MEI1: variants seen among roughly 807,000 people sequenced by gnomAD.
The protein encoded by MEI1 is meiosis inhibitor protein 1.
MEI1 carries 103 observed loss-of-function variants against 146.2 expected under a neutral mutation model. The ratio of observed to expected loss-of-function variants is 0.70; its 90% CI spans 0.60 to 0.83. The LOEUF (loss-of-function observed/expected upper bound fraction) is 0.83. Ranked by LOEUF, MEI1 falls within the 40% of genes least tolerant of loss-of-function variation. The pLI is 0.00. For missense variants in MEI1, 1,529 were observed against 1,533.0 expected, an observed-to-expected ratio of 1.00 and a Z score of 0.04; for synonymous variants, 652 against 628.2, an observed-to-expected ratio of 1.04 and a Z score of -0.57.
chr22:41,776,196 G>A lies in MEI1; in HGVS notation c.2639G>A (p.Gly880Asp), dbSNP rs749854856. 6.2e-7 allele frequency: 1 copy of A among 1,613,976 alleles called. No individual in the cohort carries two copies. The highest frequency in any genetic ancestry group is 8.5e-7 in the Non-Finnish European group (1 of 1,179,892). Residue 880 changes from glycine to aspartate, a missense_variant, in exon 21 of 31, where the codon GGT becomes GAT. This residue lies in a region of MEI1 where 1,212 missense variants were observed against 1,178.9 expected (regional missense o/e 1.03). Coordinates refer to ENST00000401548, the MANE Select transcript of MEI1 (RefSeq NM_152513.4). ...LRRNEDIQVG[G>D]LIRGHFLLIL... ...AGGAATGAGGATATCCAAGTGGGCGGTCTTATCCGAGGCCACTTCCTGCTG... is the reference window on the plus strand; with the variant it reads ...AGGAATGAGGATATCCAAGTGGGCGATCTTATCCGAGGCCACTTCCTGCTG...
At chr22:41,777,316 T>C (rs529564645) in intron 21 of MEI1, among the ~76,000 whole-genome samples, 1 of 151,802 alleles carries the variant, frequency 6.6e-6, no homozygotes, top group African/African-American at 2.4e-5. Context: ...CCACTGCACC[T>C]GGCTAATTTT....
At position 41,748,161 on chromosome 22, in the gene MEI1, C is replaced by T; in HGVS notation, c.1735C>T (p.Leu579=). ...PALMEVFLSI[L]HNLFVIVPHM... Reference sequence around the variant, plus strand: ...TTTGATGGAAGTTTTCCTCTCAATTCTACATAACCTCTTTGTCATCGTTCC... The same window carrying T: ...TTTGATGGAAGTTTTCCTCTCAATTTTACATAACCTCTTTGTCATCGTTCC... Residue 579 remains leucine, a synonymous_variant, in exon 15 of 31, where the codon CTA becomes TTA. Coordinates refer to ENST00000401548, the MANE Select transcript of MEI1 (RefSeq NM_152513.4). 6.2e-7 allele frequency: 1 copy of T among 1,613,962 alleles called. No homozygotes were observed. Among genetic ancestry groups the T allele is most frequent in the Non-Finnish European group, 8.5e-7 (1 of 1,179,886 alleles).
chr22:41,709,095 G>C (rs973502607), intron 3 of MEI1: 1 of 587,702 alleles, frequency 1.7e-6, no homozygotes. Flanking sequence ...ATATAACAGT[G>C]AAGTGTTCTG....
Position 41,732,364 on chromosome 22 carries a change from A to G in MEI1, c.1196+20A>G, listed in dbSNP as rs887456300. The G allele has an allele frequency of 3.1e-6, 5 of 1,613,494 alleles. No individual in the cohort carries two copies. The highest frequency in any genetic ancestry group is 1.7e-4 in the Middle Eastern group (1 of 6,056). ...GACCCGGTGAGCAAAGTGGTGGAACATGAGGCTTGTAGGGGCCAGACTGCA... is the reference window on the plus strand; with the variant it reads ...GACCCGGTGAGCAAAGTGGTGGAACGTGAGGCTTGTAGGGGCCAGACTGCA... On this transcript the variant is annotated intron_variant, in intron 10 of 30. Transcript: ENST00000401548.
At chr22:41,720,049 A>G (rs2070617326) in intron 6 of MEI1, among the ~76,000 whole-genome samples, 1 of 152,202 alleles carries the variant, frequency 6.6e-6, no homozygotes, top group African/African-American at 2.4e-5. Flanking sequence ...GCTTTATCTT[A>G]GGGGAGCTCA....
intron 17 of MEI1, among the ~76,000 whole-genome samples, chr22:41,756,904 A>T (rs2147904625): frequency 6.6e-6 from 1 of 152,368 alleles, no homozygotes; most frequent in East Asian, 1.9e-4. Context: ...GGTCTTTCAC[A>T]GTCCAACTGC....
chr22:41,734,817 A>G (rs914621930), intron 11 of MEI1, among the ~76,000 whole-genome samples: 2 of 149,812 alleles, frequency 1.3e-5, no homozygotes, highest in Admixed American at 6.7e-5. Context: ...TTGTATTTTT[A>G]GTAGAGATGG....
chr22:41,783,473 G>T (rs1171147932), intron 24 of MEI1, among the ~76,000 whole-genome samples: 2 of 152,084 alleles, frequency 1.3e-5, no homozygotes. Flanking sequence ...TGTATTTTTA[G>T]TAGAGACGGG....
intron 19 of MEI1, chr22:41,767,716 GC>G: frequency 2.4e-6 from 1 of 417,986 alleles, no homozygotes; most frequent in East Asian, 7.3e-5. Context: ...ACCATGTGGG[GC>G]CCTGTCAGGT....
chr22:41,754,321 T>C (rs1456374476), intron 17 of MEI1, among the ~76,000 whole-genome samples: 1 of 152,236 alleles, frequency 6.6e-6, no homozygotes, highest in Non-Finnish European at 1.5e-5. Context: ...CAGTCTCCTC[T>C]GCAACATCCC....
chr22:41,712,805 G>GT (rs2069713978), intron 3 of MEI1, among the ~76,000 whole-genome samples: 1 of 138,780 alleles, frequency 7.2e-6, no homozygotes, highest in African/African-American at 2.7e-5. Context: ...AGTTTTGTTT[G>GT]TTTGTTTTTT....
At chr22:41,759,635 AT>A (rs1432802371) in intron 18 of MEI1, among the ~76,000 whole-genome samples, 2 of 24,028 alleles carry the variant, frequency 8.3e-5, no homozygotes, top group South Asian at 3.4e-3. Context: ...GTCTCAAAAA[AT>A]AAATAAATAA....
Position 41,795,801 on chromosome 22 carries a change from C to G in MEI1, c.3733C>G (p.Leu1245Val). The change falls in exon 30 of 31, where the codon CTT becomes GTT. Residue 1245 changes from leucine (L) to valine (V), a missense_variant. Physicochemically the swap from Leu to Val is conservative, Grantham distance 32. Around this residue, in one of 3 missense-constraint regions of MEI1, gnomAD observed 313 missense variants for 337.3 expected, o/e 0.93. Transcript: ENST00000401548. The surrounding 1 kb of genome is among the most constrained non-coding windows in gnomAD (Gnocchi z 4.2). ...GACCCTGCAGGCCTCCTTGGAGGGC[C>G]TTCCCCCTAGCACCTCCTCAGGCCA... ...AQTLQASLEG[L>V]PPSTSSGQPP... 6.2e-7 allele frequency: 1 copy of G among 1,613,710 alleles called. No homozygotes were observed. The highest frequency in any genetic ancestry group is 8.5e-7 in the Non-Finnish European group (1 of 1,179,760).
chr22:41,749,211 T>C lies in MEI1; in HGVS notation c.1792+993T>C, dbSNP rs145458319. ...AACAAATGTTGTGCAACAAGTCTAC[T>C]GTGGAGAGGCAGCCAGGGCTCAGCC... is the stretch of plus-strand genomic sequence containing the variant. On this transcript the variant is annotated intron_variant, in intron 15 of 30. Transcript: ENST00000401548. Among the ~76,000 whole-genome samples, 28 of 152,310 alleles carry C rather than the reference T, an allele frequency of 1.8e-4. No individual in the cohort carries two copies. In the East Asian group the frequency reaches 4.4e-3, roughly 24 times the overall value.
intron 19 of MEI1, chr22:41,767,582 C>A (rs1375689459): frequency 2.2e-6 from 1 of 455,988 alleles, no homozygotes; most frequent in Non-Finnish European, 4.4e-6. Context: ...TCAGCAACTT[C>A]ATTGCAGTTT....
chr22:41,732,199 C>T (rs1295239948), intron 9 of MEI1, 46 bp from the exon 10 acceptor site: 1 of 1,480,514 alleles, frequency 6.8e-7, no homozygotes, highest in Admixed American at 1.9e-5. Flanking sequence ...AGTGAAGGAA[C>T]AAGAGAGCAC....
At chr22:41,746,054 T>G in intron 14 of MEI1, 28 bp downstream of exon 14, 1 of 1,552,574 alleles carries the variant, frequency 6.4e-7, no homozygotes, top group Non-Finnish European at 8.7e-7. Flanking sequence ...ACGGGCAACA[T>G]GAAGCTTGGG....
chr22:41,703,798 A>G (rs1454687662), intron 2 of MEI1, among the ~76,000 whole-genome samples: 1 of 152,160 alleles, frequency 6.6e-6, no homozygotes, highest in Non-Finnish European at 1.5e-5. Context: ...AGCCTGGTCA[A>G]CATGGTAAAA....
chr22:41,713,011 G>A (rs983129909), intron 3 of MEI1, among the ~76,000 whole-genome samples: 11 of 151,892 alleles, frequency 7.2e-5, no homozygotes, highest in Middle Eastern at 3.4e-3. Flanking sequence ...GGGTTTCACC[G>A]TGTTAGCCAG....
Sources: gnomAD v4.1 joint callset for allele counts (sites outside exome capture counted in the v4.1 genomes callset) on GRCh38, gnomAD v4.1.1 for gene constraint, gnomAD v4.1.1 regional missense constraint, Gnocchi (gnomAD v3.1) non-coding constraint, MANE v1.5 for transcripts, NCBI Gene and HGNC (gene_info 2026-07-23, HGNC 2026-07-21) for gene names.